PLPP3: variants seen among roughly 807,000 people sequenced by gnomAD.
PLPP3 encodes phospholipid phosphatase 3.
In PLPP3, 6 loss-of-function variants were observed where a neutral mutation model predicts 29.6. That is an observed-to-expected ratio of 0.20 (90% CI 0.11 to 0.40). The LOEUF is 0.40. PLPP3 is among the 10% of genes least tolerant of loss of function. The pLI, the probability that PLPP3 is intolerant of heterozygous loss-of-function variation, is 1.00. For synonymous variants in PLPP3, 152 were observed against 159.7 expected, an observed-to-expected ratio of 0.95 and a Z score of 0.36; for missense variants, 308 against 407.7, an observed-to-expected ratio of 0.76 and a Z score of 2.11.
At chr1:56,568,979 C>G (rs1459281353) in intron 1 of PLPP3, among the ~76,000 whole-genome samples, 1 of 151,892 alleles carries the variant, frequency 6.6e-6, no homozygotes. Context: ...ACCCTCGGTT[C>G]AGCTTGCACT....
chr1:56,503,720 T>TCCC (rs1645683709), intron 5 of PLPP3, among the ~76,000 whole-genome samples: 1 of 152,206 alleles, frequency 6.6e-6, no homozygotes, highest in African/African-American at 2.4e-5. Flanking sequence ...GTGGTTCCTG[T>TCCC]AAGGCTTACA....
At chr1:56,513,726 A>G (rs1327056726) in intron 4 of PLPP3, 1 of 152,222 alleles carries the variant, frequency 6.6e-6, no homozygotes, top group Non-Finnish European at 1.5e-5. Flanking sequence ...GGAAAAAATA[A>G]GAATACTGAC....
At chr1:56,499,321 A>C (rs1645650880) in intron 5 of PLPP3, among the ~76,000 whole-genome samples, 1 of 152,186 alleles carries the variant, frequency 6.6e-6, no homozygotes, top group African/African-American at 2.4e-5. Flanking sequence ...CAAAGTAATT[A>C]CTGGGCCCAG....
At chr1:56,529,138 A>G (rs973941026) in intron 2 of PLPP3, among the ~76,000 whole-genome samples, 17 of 152,048 alleles carry the variant, frequency 1.1e-4, no homozygotes, top group African/African-American at 3.9e-4. Context: ...TTCTCACAAC[A>G]CCATATGAAT....
chr1:56,574,445 A>G (rs12741544), intron 1 of PLPP3, among the ~76,000 whole-genome samples: 62,180 of 151,744 alleles, frequency 0.41, 14,299 homozygotes, highest in Admixed American at 0.54. Context: ...TGTAGAGACA[A>G]GGTCTCACTA....
In PLPP3 at chr1:56,578,921, C is replaced by T; in HGVS notation, c.96G>A (p.Lys32=). 1 of 1,604,664 alleles carries T rather than the reference C, an allele frequency of 6.2e-7. No individual in the cohort carries two copies. The highest frequency in any genetic ancestry group is 8.5e-7 in the Non-Finnish European group (1 of 1,176,688). ...GGTCGAGGCAGATGAGCAGCACCCG[C>T]TTGCTGCCGCTCCTCCTCGGGTTGT... ...LNNNPRRSGS[K]RVLLICLDLF... is the part of the protein sequence containing the mutation. The change falls in exon 1 of 6, where the codon AAG becomes AAA. Residue 32 remains lysine, a synonymous_variant. Coordinates refer to ENST00000371250, the MANE Select transcript of PLPP3 (RefSeq NM_003713.5).
At chr1:56,546,586 C>T (rs956654268) in intron 1 of PLPP3, among the ~76,000 whole-genome samples, 12 of 152,210 alleles carry the variant, frequency 7.9e-5, no homozygotes, top group Non-Finnish European at 1.5e-5. Context: ...ACCCAAAGAT[C>T]ATGTCAAGTC....
At chr1:56,530,390 A>G (rs1432294139) in intron 2 of PLPP3, among the ~76,000 whole-genome samples, 4 of 152,090 alleles carry the variant, frequency 2.6e-5, no homozygotes, top group African/African-American at 9.7e-5. Flanking sequence ...AATTGGCCCA[A>G]TTCCAATCTT....
chr1:56,561,972 T>A lies in PLPP3; in HGVS notation c.139+16906A>T, dbSNP rs549709864. Reference sequence around the variant, plus strand: ...ATCACTTGAACCTGGGAGGCGGAGGTTGCAGTGAGCCAAGATCGTACCATT... The same window carrying A: ...ATCACTTGAACCTGGGAGGCGGAGGATGCAGTGAGCCAAGATCGTACCATT... On this transcript the variant is annotated intron_variant, in intron 1 of 5. Coordinates refer to ENST00000371250, the MANE Select transcript of PLPP3 (RefSeq NM_003713.5). Among the ~76,000 whole-genome samples, 6 of 125,648 alleles carry A rather than the reference T, an allele frequency of 4.8e-5. No homozygotes were observed. In the South Asian group the frequency reaches 1.5e-3, roughly 32 times the overall value. The allele number at this position is 125,648 out of a possible 152,430, so 82.4% of individuals were successfully genotyped here.
intron 5 of PLPP3, among the ~76,000 whole-genome samples, chr1:56,505,765 A>G (rs1294444895): frequency 6.6e-6 from 1 of 152,232 alleles, no homozygotes; most frequent in Admixed American, 6.5e-5. Context: ...TAAGGCTTCC[A>G]ATCAACATTA....
intron 4 of PLPP3, chr1:56,516,837 G>A (rs181039644): frequency 3.1e-4 from 47 of 151,606 alleles, no homozygotes; most frequent in African/African-American, 1.1e-3. Context: ...ATGTATGTCT[G>A]TTTCCCATAC....
At chr1:56,577,571 A>G (rs1646244529) in intron 1 of PLPP3, among the ~76,000 whole-genome samples, 1 of 152,218 alleles carries the variant, frequency 6.6e-6, no homozygotes, top group African/African-American at 2.4e-5. Context: ...AGAAAGAGTC[A>G]TGAATACCAG....
Position 56,496,680 on chromosome 1 carries a change from G to C in PLPP3, c.811-4C>G. 1 of 1,613,256 alleles carries C rather than the reference G, an allele frequency of 6.2e-7. No homozygotes were observed. On this transcript the variant is annotated splice_polypyrimidine_tract_variant and splice_region_variant and intron_variant, in intron 5 of 5. Coordinates refer to ENST00000371250, the MANE Select transcript of PLPP3 (RefSeq NM_003713.5). ...AGAGGTCAGACACGAAGAAAACCTA[G>C]AAGCACAAATCAGAGATCGAAGTCA...
At chr1:56,520,468 T>G (rs560610781) in intron 4 of PLPP3, among the ~76,000 whole-genome samples, 54 of 152,224 alleles carry the variant, frequency 3.5e-4, no homozygotes, top group African/African-American at 1.3e-3. Context: ...CAGCTCAACA[T>G]AAAAGCCCTG....
At chr1:56,568,943 C>A (rs1233647632) in intron 1 of PLPP3, among the ~76,000 whole-genome samples, 1 of 151,448 alleles carries the variant, frequency 6.6e-6, no homozygotes, top group Non-Finnish European at 1.5e-5. Flanking sequence ...TCTTTCTTAT[C>A]CAGCCCTCTC....
intron 1 of PLPP3, among the ~76,000 whole-genome samples, chr1:56,570,795 CTTT>C (rs1557517530): frequency 6.6e-6 from 1 of 152,016 alleles, no homozygotes; most frequent in African/African-American, 2.4e-5. Context: ...CATGGAGTCT[CTTT>C]TTTCTCCCCT....
intron 4 of PLPP3, among the ~76,000 whole-genome samples, chr1:56,515,739 T>C (rs1020508774): frequency 1.1e-4 from 17 of 152,196 alleles, no homozygotes; most frequent in African/African-American, 1.9e-4. Context: ...TCCTGGTGTC[T>C]GCAGCAGGGG....
chr1:56,512,197 A>C, intron 4 of PLPP3, 45 bp from the exon 5 acceptor site: 1 of 1,470,042 alleles, frequency 6.8e-7, no homozygotes, highest in East Asian at 2.4e-5. Context: ...GTGACTCCCC[A>C]CTCACATGCA....
chr1:56,544,150 T>C (rs1569577709), intron 1 of PLPP3, among the ~76,000 whole-genome samples: 1 of 152,250 alleles, frequency 6.6e-6, no homozygotes, highest in Non-Finnish European at 1.5e-5. Flanking sequence ...TATTTGAAAG[T>C]GCTTACAGTG....
Sources: gnomAD v4.1 joint callset for allele counts (sites outside exome capture counted in the v4.1 genomes callset) on GRCh38, gnomAD v4.1.1 for gene constraint, MANE v1.5 for transcripts, NCBI Gene and HGNC (gene_info 2026-07-23, HGNC 2026-07-21) for gene names.